Variants in ARHGAP17 observed in about 807,000 individuals in gnomAD.
ARHGAP17 encodes the protein rho GTPase-activating protein 17.
Under a neutral mutation model 99.5 loss-of-function variants are expected in ARHGAP17, and 57 were observed. The ratio of observed to expected loss-of-function variants is 0.57; its 90% CI spans 0.46 to 0.71. The LOEUF (loss-of-function observed/expected upper bound fraction) is 0.71, where lower values mean the gene tolerates loss of function less well. Among genes scored for constraint, ARHGAP17 ranks in the 30% least tolerant of loss-of-function variants. The pLI, the probability that ARHGAP17 is intolerant of heterozygous loss-of-function variation, is 0.00. For synonymous variants in ARHGAP17, 417 were observed against 429.6 expected (o/e 0.97, Z 0.36); for missense variants, 1,000 against 1,122.4 (o/e 0.89, Z 1.56).
At chr16:24,957,451 G>A (rs1334018598) in intron 9 of ARHGAP17, 4 of 152,266 alleles carry the variant, frequency 2.6e-5, no homozygotes, top group Admixed American at 1.3e-4. Flanking sequence ...GCTGACTTCT[G>A]GGGTGGAGAC....
chr16:24,924,763 T>A (rs1345350666), intron 19 of ARHGAP17, among the ~76,000 whole-genome samples: 1 of 151,912 alleles, frequency 6.6e-6, no homozygotes, highest in Non-Finnish European at 1.5e-5. Flanking sequence ...CTCAGGAGGC[T>A]GAGGCAGGAG....
At chr16:24,961,242 T>C (rs1157178758) in intron 7 of ARHGAP17, among the ~76,000 whole-genome samples, 2 of 152,144 alleles carry the variant, frequency 1.3e-5, no homozygotes, top group Non-Finnish European at 2.9e-5. Context: ...TTATTACCTA[T>C]TGGGAGCAAT....
chr16:24,969,178 T>C (rs2052285278), intron 4 of ARHGAP17, among the ~76,000 whole-genome samples: 1 of 152,250 alleles, frequency 6.6e-6, no homozygotes, highest in African/African-American at 2.4e-5. Flanking sequence ...GCTATGCAGA[T>C]GAGCTAGCTG....
intron 19 of ARHGAP17, chr16:24,927,786 A>C (rs1183190155): frequency 1.3e-6 from 1 of 781,192 alleles, no homozygotes; most frequent in Non-Finnish European, 1.8e-6. Context: ...AAAATCTATT[A>C]CTTCAAAAAT....
At chr16:24,945,739 T>C (rs1361006388) in intron 14 of ARHGAP17, among the ~76,000 whole-genome samples, 1 of 152,210 alleles carries the variant, frequency 6.6e-6, no homozygotes, top group Non-Finnish European at 1.5e-5. Context: ...ATCTGATCAG[T>C]CTGTGTGCCT....
chr16:24,959,516 G>T (rs979600240), intron 9 of ARHGAP17, among the ~76,000 whole-genome samples, 155 bp downstream of exon 9: 1 of 152,192 alleles, frequency 6.6e-6, no homozygotes, highest in Non-Finnish European at 1.5e-5. Context: ...AGAGAATGCA[G>T]CAAGGAAGAT....
intron 3 of ARHGAP17, 96 bp from the exon 4 acceptor site, chr16:24,970,676 G>T: frequency 8.6e-7 from 1 of 1,158,798 alleles, no homozygotes; most frequent in Non-Finnish European, 1.3e-6. Flanking sequence ...CTCCCTCCAG[G>T]CAAATTACAC....
In ARHGAP17 at chr16:25,015,202, C is replaced by T; in HGVS notation, c.53+7G>A. On this transcript the variant is annotated splice_region_variant and intron_variant, in intron 1 of 19. Transcript: ENST00000289968. The stretch of plus-strand genomic sequence containing the variant: ...GGTGCGACCCCCGTGCTGCCCGGCG[C>T]ACTCGCCTGCCCACGGTCTGGTTAG... 1.5e-6 allele frequency: 2 copies of T among 1,324,142 alleles called. No individual in the cohort carries two copies. The highest frequency in any genetic ancestry group is 1.9e-6 in the Non-Finnish European group (2 of 1,029,830). The allele number at this position is 1,324,142 out of a possible 1,614,324, so 82.0% of individuals were successfully genotyped here.
intron 19 of ARHGAP17, among the ~76,000 whole-genome samples, chr16:24,924,668 G>C (rs1485836211): frequency 6.6e-6 from 1 of 151,928 alleles, no homozygotes; most frequent in East Asian, 1.9e-4. Context: ...TTCAAGACCA[G>C]CCTGGCCAAC....
Position 24,943,873 on chromosome 16 carries a change from A to G in ARHGAP17, c.1242-11T>C. On this transcript the variant is annotated splice_polypyrimidine_tract_variant and intron_variant, in intron 14 of 19. Coordinates refer to ENST00000289968, the MANE Select transcript of ARHGAP17 (RefSeq NM_001006634.3). ...ATTTCAGCAAGTGTTCTGCAAAGCA[A>G]GTTCACAAAATTAAAATACTTCCTG... The G allele has an allele frequency of 6.2e-7, 1 of 1,612,794 alleles. No individual in the cohort carries two copies. Among genetic ancestry groups the G allele is most frequent in the Non-Finnish European group, 8.5e-7 (1 of 1,178,810 alleles).
chr16:24,938,707 G>A (rs1475788685), intron 17 of ARHGAP17, among the ~76,000 whole-genome samples: 1 of 151,544 alleles, frequency 6.6e-6, no homozygotes, highest in Non-Finnish European at 1.5e-5. Flanking sequence ...AGGAGGCGGA[G>A]GGTGCAGTGA....
chr16:24,925,936 C>G (rs1053509493), intron 19 of ARHGAP17, among the ~76,000 whole-genome samples: 4 of 151,930 alleles, frequency 2.6e-5, no homozygotes, highest in Admixed American at 2.0e-4. Flanking sequence ...TGGTGAAACC[C>G]TGTCTCTACT....
intron 1 of ARHGAP17, among the ~76,000 whole-genome samples, chr16:24,994,341 GAGTGGAGCTACAC>G (rs2053134621): frequency 6.6e-6 from 1 of 152,190 alleles, no homozygotes; most frequent in African/African-American, 2.4e-5. Context: ...AGCCTTAACT[GAGTGGAGCTACAC>G]AGCCCATCAA....
chr16:24,964,086 A>G (rs547603236), intron 7 of ARHGAP17, 111 bp downstream of exon 7: 14 of 687,840 alleles, frequency 2.0e-5, no homozygotes, highest in Non-Finnish European at 3.0e-5. Context: ...CTTTAAAATC[A>G]TTCAAAATAT....
At chr16:24,968,571 T>G (rs946779465) in intron 5 of ARHGAP17, 90 bp downstream of exon 5, 3 of 1,526,120 alleles carry the variant, frequency 2.0e-6, no homozygotes, top group Non-Finnish European at 2.7e-6. Context: ...AAGTGTATGT[T>G]AAAGCCAGCA....
rs761595307 is a variant in ARHGAP17 at position 24,952,313 on chromosome 16, T to C, written c.1022A>G (p.Tyr341Cys). ...LPEPLMTFNL[Y>C]EEWTQVASVQ... ...CCTTGCAACTTGTGTCCATTCTTCA[T>C]ACAGATTAAAAGTCATCAAAGGTTC... Residue 341 changes from tyrosine to cysteine, a missense_variant, in exon 12 of 20, where the codon TAT becomes TGT. Around this residue, in one of 2 missense-constraint regions of ARHGAP17, gnomAD observed 472 missense variants for 611.1 expected, o/e 0.77. Transcript: ENST00000289968. 1.1e-5 allele frequency: 18 copies of C among 1,612,732 alleles called. No homozygotes were observed. The East Asian group carries it at 1.8e-4, about 16-fold the overall frequency.
intron 19 of ARHGAP17, chr16:24,927,838 C>T: frequency 2.8e-6 from 1 of 362,920 alleles, no homozygotes; most frequent in South Asian, 2.9e-5. Flanking sequence ...AAAACTCTTA[C>T]TGCTCTCTAG....
At chr16:25,002,052 G>C (rs1467866954) in intron 1 of ARHGAP17, among the ~76,000 whole-genome samples, 1 of 151,380 alleles carries the variant, frequency 6.6e-6, no homozygotes, top group African/African-American at 2.4e-5. Flanking sequence ...CTGCACTCCA[G>C]CCTGGGTGAC....
intron 1 of ARHGAP17, among the ~76,000 whole-genome samples, chr16:24,983,018 T>C (rs2052747618): frequency 1.5e-5 from 1 of 68,430 alleles, no homozygotes; most frequent in Non-Finnish European, 3.3e-5. Flanking sequence ...TTTTTTTTTT[T>C]TTTTGAGACA....
Sources: gnomAD v4.1 joint callset for allele counts (sites outside exome capture counted in the v4.1 genomes callset) on GRCh38, gnomAD v4.1.1 for gene constraint, gnomAD v4.1.1 regional missense constraint, MANE v1.5 for transcripts, NCBI Gene and HGNC (gene_info 2026-07-23, HGNC 2026-07-21) for gene names.